Variants in CEP41 observed in about 807,000 individuals in gnomAD.
CEP41 encodes centrosomal protein of 41 kDa.
In CEP41, 32 loss-of-function variants were observed where a neutral mutation model predicts 44.3. The observed-to-expected ratio is 0.72, with a 90% CI of 0.54 to 0.97. The LOEUF (loss-of-function observed/expected upper bound fraction) is 0.97. Among genes scored for constraint, CEP41 ranks in the 50% least tolerant of loss-of-function variants. The pLI is 0.00. For synonymous variants in CEP41, 151 were observed against 168.5 expected, an observed-to-expected ratio of 0.90 and a Z score of 0.80; for missense variants, 432 against 455.2, an observed-to-expected ratio of 0.95 and a Z score of 0.46.
At chr7:130,403,784 A>C (rs1381875783) in intron 6 of CEP41, among the ~76,000 whole-genome samples, 1 of 152,228 alleles carries the variant, frequency 6.6e-6, no homozygotes, top group East Asian at 1.9e-4. Flanking sequence ...CTGCATCCTC[A>C]GTGGAAGTCC....
At chr7:130,414,184 A>T (rs1197561082) in intron 3 of CEP41, among the ~76,000 whole-genome samples, 13 of 152,246 alleles carry the variant, frequency 8.5e-5, no homozygotes, top group Admixed American at 3.9e-4. Context: ...AAAATGTCTT[A>T]AAGAGAGCAA....
At position 130,398,059 on chromosome 7, in the gene CEP41, T is replaced by G. The variant is rs1554415585; in HGVS notation, c.*832A>C. The G allele has an allele frequency of 4.4e-6, 2 of 453,998 alleles. No individual in the cohort carries two copies. Among genetic ancestry groups the G allele is most frequent in the Admixed American group, 2.4e-5 (1 of 42,552 alleles). The allele number at this position is 453,998 out of a possible 1,614,324, so 28.1% of individuals were successfully genotyped here. A position where few individuals can be genotyped will look rare whatever the true frequency, so the allele number is the denominator to read the frequency against. On this transcript the variant is annotated 3_prime_UTR_variant, in exon 11 of 11. Coordinates refer to ENST00000223208, the MANE Select transcript of CEP41 (RefSeq NM_018718.3). ...ATAATTTCTGTCCATCTAACATGGATGGACTGAAGCTGGGCAATGGGCGTC... is the reference window on the plus strand; with the variant it reads ...ATAATTTCTGTCCATCTAACATGGAGGGACTGAAGCTGGGCAATGGGCGTC...
chr7:130,431,777 T>C (rs1233838765), intron 1 of CEP41, among the ~76,000 whole-genome samples: 1 of 151,890 alleles, frequency 6.6e-6, no homozygotes, highest in Admixed American at 6.6e-5. Context: ...TAGCGGGAAA[T>C]ACGGGGACAA....
chr7:130,438,450 C>T (rs12706931), intron 1 of CEP41, among the ~76,000 whole-genome samples: 77,588 of 151,810 alleles, frequency 0.51, 19,976 homozygotes, highest in Middle Eastern at 0.56. Context: ...TCTCAGCTAC[C>T]CAGGAAGCTG....
At chr7:130,421,696 G>A in intron 2 of CEP41, 1 of 1,143,030 alleles carries the variant, frequency 8.7e-7, no homozygotes, top group Middle Eastern at 3.7e-4. Context: ...AAAAGACTGA[G>A]TGGAGAAAGC....
chr7:130,416,520 AG>A lies in CEP41; in HGVS notation c.145+398del, dbSNP rs3214402. On this transcript the variant is annotated intron_variant, in intron 3 of 10. Transcript: ENST00000223208. Reference sequence around the variant, plus strand: ...ATGAATACTCTCATTTATACACACAAGAATGTTCTGAAGGAAGATATTATTA... The same window carrying A: ...ATGAATACTCTCATTTATACACACAAAATGTTCTGAAGGAAGATATTATTA... Among the ~76,000 whole-genome samples the A allele has an allele frequency of 7.7e-4, 118 of 152,352 alleles. 1 individual carries two copies. The East Asian group carries it at 0.022, about 29-fold the overall frequency.
At position 130,398,812 on chromosome 7, in the gene CEP41, G is replaced by C. The variant is rs1554416033; in HGVS notation, c.*79C>G. 6.5e-7 allele frequency: 1 copy of C among 1,542,476 alleles called. No individual in the cohort carries two copies. The highest frequency in any genetic ancestry group is 1.7e-5 in the Admixed American group (1 of 59,928). ...TGGTCTTTCCTCTGCAGAAGTTTCT[G>C]GAAATGACCCAACTTGGGAAATGCT... is the stretch of plus-strand genomic sequence containing the variant. On this transcript the variant is annotated 3_prime_UTR_variant, in exon 11 of 11. Transcript: ENST00000223208.
chr7:130,441,135 C>G (rs1798149721), upstream of CEP41: 1 of 750,296 alleles, frequency 1.3e-6, no homozygotes. Flanking sequence ...ATCTCAGGGT[C>G]GCAGAAGGGC....
Position 130,438,998 on chromosome 7 carries a change from T to C in CEP41, c.33+1936A>G, listed in dbSNP as rs183483547. 1.9e-3 allele frequency among the ~76,000 whole-genome samples: 289 copies of C among 152,334 alleles called. 1 individual carries two copies. Among genetic ancestry groups the C allele is most frequent in the Non-Finnish European group, 2.5e-3 (173 of 68,030 alleles). ...ATAAAATATACAATTTACTCTATTTTGAAATCTACAATATAGTTGAACTTT... is the reference window on the plus strand; with the variant it reads ...ATAAAATATACAATTTACTCTATTTCGAAATCTACAATATAGTTGAACTTT... On this transcript the variant is annotated intron_variant, in intron 1 of 10. Coordinates refer to ENST00000223208, the MANE Select transcript of CEP41 (RefSeq NM_018718.3).
intron 2 of CEP41, among the ~76,000 whole-genome samples, chr7:130,418,855 T>A (rs1376378203): frequency 6.6e-6 from 1 of 152,220 alleles, no homozygotes; most frequent in Non-Finnish European, 1.5e-5. Context: ...ACCTTATTTA[T>A]CCAGTCTTTA....
intron 2 of CEP41, among the ~76,000 whole-genome samples, chr7:130,422,258 T>C (rs1797531702): frequency 6.6e-6 from 1 of 152,222 alleles, no homozygotes; most frequent in African/African-American, 2.4e-5. Flanking sequence ...TAAGAAAAGA[T>C]GAAAGACCCA....
chr7:130,437,785 AAAAGAAAAAG>A (rs1237438966), intron 1 of CEP41, among the ~76,000 whole-genome samples: 10,647 of 129,026 alleles, frequency 0.083, 1,136 homozygotes, highest in Non-Finnish European at 0.11. Flanking sequence ...AAAAAAAAAA[AAAAGAAAAAG>A]AAAAAAAAAG....
chr7:130,416,315 T>TATAC, intron 3 of CEP41, among the ~76,000 whole-genome samples: 1 of 152,266 alleles, frequency 6.6e-6, no homozygotes, highest in Non-Finnish European at 1.5e-5. Flanking sequence ...TACATCAGTT[T>TATAC]TGGATGCAGA....
In CEP41 at chr7:130,400,337, T is replaced by C. The variant is rs782298647; in HGVS notation, c.758-83A>G. ...CCTGGAAAGAAGCCTGCATGTCTTC[T>C]AATCTCTGGTCATCAAGTTGAGGCC... On this transcript the variant is annotated intron_variant, in intron 9 of 10. Transcript: ENST00000223208. The C allele has an allele frequency of 5.2e-4, 488 of 935,158 alleles. 1 individual carries two copies. The highest frequency in any genetic ancestry group is 7.4e-4 in the Non-Finnish European group (418 of 566,044). The allele number at this position is 935,158 out of a possible 1,614,324, so 57.9% of individuals were successfully genotyped here.
At chr7:130,412,564 G>A (rs782520025) in intron 3 of CEP41, among the ~76,000 whole-genome samples, 3 of 152,070 alleles carry the variant, frequency 2.0e-5, no homozygotes, top group African/African-American at 2.4e-5. Context: ...TGTACTCCAC[G>A]CATTTTTGTA....
In CEP41 at chr7:130,410,452, A is replaced by C. The variant is rs1584880986; in HGVS notation, c.277+670T>G. Reference sequence around the variant, plus strand: ...AGTCCCTTAAGGGTACAATGAAGGCAGCAAGAAGACACTGGATGCTACTGG... The same window carrying C: ...AGTCCCTTAAGGGTACAATGAAGGCCGCAAGAAGACACTGGATGCTACTGG... On this transcript the variant is annotated intron_variant, in intron 5 of 10. Coordinates refer to ENST00000223208, the MANE Select transcript of CEP41 (RefSeq NM_018718.3). Among the ~76,000 whole-genome samples, 5 of 152,298 alleles carry C rather than the reference A, an allele frequency of 3.3e-5. 1 individual carries two copies. In the South Asian group the frequency reaches 1.0e-3, roughly 32 times the overall value.
chr7:130,422,754 C>G (rs1472843598), intron 2 of CEP41, among the ~76,000 whole-genome samples: 1 of 152,158 alleles, frequency 6.6e-6, no homozygotes, highest in Non-Finnish European at 1.5e-5. Context: ...ATGAAACACA[C>G]TTTGGCCCTT....
intron 4 of CEP41, 122 bp from the exon 5 acceptor site, chr7:130,411,313 AG>A (rs1391427450): frequency 2.5e-6 from 2 of 797,220 alleles, no homozygotes; most frequent in African/African-American, 3.4e-5. Context: ...AGAAGCTGTC[AG>A]TGTCCTCAAC....
At chr7:130,410,768 G>A (rs573067790) in intron 5 of CEP41, 2 of 346,342 alleles carry the variant, frequency 5.8e-6, no homozygotes, top group South Asian at 5.5e-5. Context: ...GCACACATGT[G>A]ACTGTCAATT....
Sources: gnomAD v4.1 joint callset for allele counts (sites outside exome capture counted in the v4.1 genomes callset) on GRCh38, gnomAD v4.1.1 for gene constraint, MANE v1.5 for transcripts, NCBI Gene and HGNC (gene_info 2026-07-23, HGNC 2026-07-21) for gene names.